SLC23A2: variants seen among roughly 807,000 people sequenced by gnomAD.
SLC23A2 encodes Na(+)/L-ascorbic acid transporter 2.
SLC23A2 carries 36 observed loss-of-function variants against 73.3 expected under a neutral mutation model. The ratio of observed to expected loss-of-function variants is 0.49; its 90% CI spans 0.38 to 0.65. The LOEUF (loss-of-function observed/expected upper bound fraction) is 0.65, where lower values mean the gene tolerates loss of function less well. SLC23A2 is among the 30% of genes least tolerant of loss of function. The pLI is 0.00. For synonymous variants in SLC23A2, 343 were observed against 327.3 expected, an observed-to-expected ratio of 1.05 and a Z score of -0.52; for missense variants, 507 against 841.6, an observed-to-expected ratio of 0.60 and a Z score of 4.92.
At chr20:4,936,775 C>T (rs2086967764) in intron 2 of SLC23A2, among the ~76,000 whole-genome samples, 2 of 152,276 alleles carry the variant, frequency 1.3e-5, no homozygotes, top group South Asian at 4.1e-4. Flanking sequence ...ATTTCTCCAC[C>T]ACGCATTTAA....
At chr20:4,885,724 G>T in intron 7 of SLC23A2, 97 bp downstream of exon 7, 1 of 841,198 alleles carries the variant, frequency 1.2e-6, no homozygotes, top group Non-Finnish European at 2.0e-6. Context: ...CCTAATTCTT[G>T]AAAGGATTTA....
Position 4,873,981 on chromosome 20 carries a change from G to T in SLC23A2, c.1057C>A (p.Gln353Lys). The T allele has an allele frequency of 6.2e-7, 1 of 1,614,174 alleles. No homozygotes were observed. Among genetic ancestry groups the T allele is most frequent in the East Asian group, 2.2e-5 (1 of 44,874 alleles). The part of the protein sequence containing the change: ...YGFYARTDAR[Q>K]GVLLVAPWFK... ...CACGGGGCTACCAGAAGCACGCCTTGCCTGGCATCTGTGCGAGCATAGAAG... is the reference window on the plus strand; with the variant it reads ...CACGGGGCTACCAGAAGCACGCCTTTCCTGGCATCTGTGCGAGCATAGAAG... Residue 353 changes from glutamine to lysine, a missense_variant, in exon 11 of 17, where the codon CAA (glutamine) becomes AAA (lysine). By Grantham distance (53) the Gln-to-Lys change is moderately conservative. Around this residue, in one of 5 missense-constraint regions of SLC23A2, gnomAD observed 217 missense variants for 398.0 expected, o/e 0.55. Transcript: ENST00000338244.
At chr20:4,961,430 AT>A (rs1389913578) in intron 2 of SLC23A2, among the ~76,000 whole-genome samples, 4 of 151,838 alleles carry the variant, frequency 2.6e-5, no homozygotes, top group Non-Finnish European at 5.9e-5. Context: ...TTTATCTCCA[AT>A]CCCCCAGAGT....
intron 3 of SLC23A2, among the ~76,000 whole-genome samples, chr20:4,913,494 C>T (rs1437729008): frequency 6.6e-6 from 1 of 152,188 alleles, no homozygotes; most frequent in Admixed American, 6.5e-5. Context: ...TTTAGCCAAA[C>T]GGTTCCACTT....
intron 1 of SLC23A2, among the ~76,000 whole-genome samples, chr20:5,006,846 CA>C (rs2122404230): frequency 6.6e-6 from 1 of 151,990 alleles, no homozygotes; most frequent in Non-Finnish European, 1.5e-5. Flanking sequence ...TGGCCTGCAC[CA>C]TCTCTTGATG....
chr20:4,946,291 G>A (rs1395678877), intron 2 of SLC23A2, among the ~76,000 whole-genome samples: 1 of 152,152 alleles, frequency 6.6e-6, no homozygotes, highest in African/African-American at 2.4e-5. Flanking sequence ...AGGGCCCCAA[G>A]AGGGGTCCTG....
At chr20:4,938,171 C>T (rs112510723) in intron 2 of SLC23A2, among the ~76,000 whole-genome samples, 14,049 of 151,770 alleles carry the variant, frequency 0.093, 1,235 homozygotes, top group African/African-American at 0.22. Flanking sequence ...GCTAGGACTA[C>T]AGGCATGTGC....
chr20:4,873,830 C>G (rs1930547589), intron 11 of SLC23A2, 106 bp downstream of exon 11: 2 of 1,138,804 alleles, frequency 1.8e-6, no homozygotes, highest in Non-Finnish European at 2.5e-6. Flanking sequence ...AATGGCAAGG[C>G]CTTCAGGAGA....
upstream of SLC23A2, among the ~76,000 whole-genome samples, chr20:5,004,230 C>T (rs143060544): frequency 8.5e-4 from 129 of 152,268 alleles, 1 homozygote; most frequent in African/African-American, 3.0e-3. Context: ...ATTATTTTCT[C>T]CCATAAACTG....
At chr20:4,917,530 G>A (rs1932366819) in intron 3 of SLC23A2, among the ~76,000 whole-genome samples, 1 of 152,040 alleles carries the variant, frequency 6.6e-6, no homozygotes, top group Non-Finnish European at 1.5e-5. Context: ...AGGTAGGGGT[G>A]GAATGTTTGT....
chr20:4,938,440 G>A (rs2086994645), intron 2 of SLC23A2, among the ~76,000 whole-genome samples: 2 of 150,202 alleles, frequency 1.3e-5, no homozygotes, highest in African/African-American at 4.9e-5. Flanking sequence ...CCAGGTTCAA[G>A]CAATTCTCCT....
At chr20:4,967,472 T>C (rs2122209841) in intron 2 of SLC23A2, among the ~76,000 whole-genome samples, 1 of 152,360 alleles carries the variant, frequency 6.6e-6, no homozygotes, top group East Asian at 1.9e-4. Flanking sequence ...CTTCCTTCCT[T>C]ACCTTCTTAT....
intron 2 of SLC23A2, among the ~76,000 whole-genome samples, chr20:4,953,619 T>G (rs1043116791): frequency 6.6e-5 from 10 of 152,186 alleles, no homozygotes; most frequent in African/African-American, 2.2e-4. Flanking sequence ...CCGGATGCAG[T>G]GGCTCACGTC....
At chr20:4,972,719 G>A (rs978879908) in intron 1 of SLC23A2, among the ~76,000 whole-genome samples, 14 of 152,180 alleles carry the variant, frequency 9.2e-5, no homozygotes, top group Middle Eastern at 3.4e-3. Flanking sequence ...CCGAGCAGCT[G>A]GGATTACAGG....
intron 6 of SLC23A2, among the ~76,000 whole-genome samples, chr20:4,898,780 G>A (rs1366286271): frequency 6.6e-6 from 1 of 152,218 alleles, no homozygotes; most frequent in South Asian, 2.1e-4. Flanking sequence ...GCATCAAGGA[G>A]GAAGCACCGT....
intron 1 of SLC23A2, among the ~76,000 whole-genome samples, chr20:4,995,062 G>A (rs2087995930): frequency 6.6e-6 from 1 of 152,218 alleles, no homozygotes; most frequent in Non-Finnish European, 1.5e-5. Flanking sequence ...CAAGAACTCT[G>A]AGATGAAATG....
rs2088069608 is a variant in SLC23A2 at position 4,998,906 on chromosome 20, G to GC, written c.-282+2499dup. Among the ~76,000 whole-genome samples, 2 of 150,866 alleles carry GC rather than the reference G, an allele frequency of 1.3e-5. No individual in the cohort carries two copies. The highest frequency in any genetic ancestry group is 2.9e-5 in the Non-Finnish European group (2 of 67,858). Reference sequence around the variant, plus strand: ...TGCAAACTCCACCTCCCAGGTTCAAGCGATTCTCCTGCCTCAGCCTCCTGA... The same window carrying GC: ...TGCAAACTCCACCTCCCAGGTTCAAGCCGATTCTCCTGCCTCAGCCTCCTGA... On this transcript the variant is annotated intron_variant, in intron 1 of 16. Transcript: ENST00000338244. The surrounding 1 kb of genome is among the most constrained non-coding windows in gnomAD (Gnocchi z 4.1).
chr20:4,883,162 A>G lies in SLC23A2; in HGVS notation c.824+480T>C, dbSNP rs1480449176. Among the ~76,000 whole-genome samples the G allele has an allele frequency of 6.6e-6, 1 of 151,984 alleles. No individual in the cohort carries two copies. The highest frequency in any genetic ancestry group is 1.5e-5 in the Non-Finnish European group (1 of 67,992). Reference sequence around the variant, plus strand: ...AACTATGTCCCTCCCCCAACCACCCACCCGTCAGGAGTGCAGAGCTCAGTG... The same window carrying G: ...AACTATGTCCCTCCCCCAACCACCCGCCCGTCAGGAGTGCAGAGCTCAGTG... On this transcript the variant is annotated intron_variant, in intron 9 of 16. Coordinates refer to ENST00000338244, the MANE Select transcript of SLC23A2 (RefSeq NM_005116.6). This position sits in a 1 kb window ranked among gnomAD's most constrained non-coding sequence, Gnocchi z 4.5.
chr20:4,880,876 A>C (rs912060190), intron 9 of SLC23A2, among the ~76,000 whole-genome samples: 1 of 152,168 alleles, frequency 6.6e-6, no homozygotes, highest in African/African-American at 2.4e-5. Flanking sequence ...CTTGTGTCTA[A>C]CTGATGTTTC....
Sources: gnomAD v4.1 joint callset for allele counts (sites outside exome capture counted in the v4.1 genomes callset) on GRCh38, gnomAD v4.1.1 for gene constraint, gnomAD v4.1.1 regional missense constraint, Gnocchi (gnomAD v3.1) non-coding constraint, MANE v1.5 for transcripts, NCBI Gene and HGNC (gene_info 2026-07-23, HGNC 2026-07-21) for gene names.